PAX7: variants seen among roughly 807,000 people sequenced by gnomAD.
PAX7 encodes the protein paired box protein Pax-7.
Under a neutral mutation model 50.7 loss-of-function variants are expected in PAX7, and 18 were observed. The observed-to-expected ratio is 0.36, with a 90% confidence interval of 0.25 to 0.53. The LOEUF (loss-of-function observed/expected upper bound fraction) is 0.53. Ranked by LOEUF, PAX7 falls within the 20% of genes least tolerant of loss-of-function variation. The pLI, the probability that PAX7 is intolerant of heterozygous loss-of-function variation, is 0.93. For missense variants in PAX7, 644 were observed against 702.9 expected, an observed-to-expected ratio of 0.92 and a Z score of 0.95; for synonymous variants, 310 against 290.4, an observed-to-expected ratio of 1.07 and a Z score of -0.69.
chr1:18,728,722 G>T (rs1011695528), intron 7 of PAX7, among the ~76,000 whole-genome samples: 2 of 147,868 alleles, frequency 1.4e-5, no homozygotes, highest in Admixed American at 6.7e-5. Context: ...AAAATTAGCC[G>T]GGCTTGGTGG....
chr1:18,722,769 G>T (rs986246241), intron 7 of PAX7, among the ~76,000 whole-genome samples: 2 of 152,128 alleles, frequency 1.3e-5, no homozygotes, highest in Admixed American at 6.5e-5. Context: ...GAGCTCCTGG[G>T]TCCATCTCGT....
Position 18,631,641 on chromosome 1 carries a change from G to A in PAX7, c.38G>A (p.Arg13Gln), listed in dbSNP as rs1263376207. 1.2e-6 allele frequency: 2 copies of A among 1,613,176 alleles called. No homozygotes were observed. Among genetic ancestry groups the A allele is most frequent in the Non-Finnish European group, 1.7e-6 (2 of 1,179,892 alleles). The change falls in exon 1 of 9, where the codon CGG becomes CAG. Residue 13 changes from arginine to glutamine, a missense_variant. Physicochemically the swap from Arg to Gln is conservative, Grantham distance 43 (BLOSUM62 1). Coordinates refer to ENST00000420770, the MANE Select transcript of PAX7 (RefSeq NM_001135254.2). ...ALPGTVPRMM[R>Q]PAPGQNYPRT... ...CCCGGCACGGTACCGAGAATGATGC[G>A]GCCGGCTCCGGGGCAGAACTACCCC...
rs187784076 is a variant in PAX7 at position 18,656,219 on chromosome 1, C to T, written c.586+19848C>T. On this transcript the variant is annotated intron_variant, in intron 4 of 8. Transcript: ENST00000420770. ...CTAAAATGTAAGAGGCAAGTCCGGG[C>T]GCAGTGGCTCACGCCTGTAATCCCA... Among the ~76,000 whole-genome samples the T allele has an allele frequency of 1.7e-3, 252 of 152,306 alleles. 1 individual carries two copies. Among genetic ancestry groups the T allele is most frequent in the South Asian group, 0.01 (49 of 4,828 alleles).
intron 7 of PAX7, among the ~76,000 whole-genome samples, chr1:18,709,326 C>G (rs568261736): frequency 9.8e-5 from 15 of 152,338 alleles, no homozygotes; most frequent in African/African-American, 3.4e-4. Flanking sequence ...TACTCATCGT[C>G]TCCTTTGTTC....
intron 4 of PAX7, among the ~76,000 whole-genome samples, chr1:18,674,634 G>A (rs1205506585): frequency 1.3e-5 from 2 of 152,208 alleles, no homozygotes; most frequent in African/African-American, 2.4e-5. Context: ...CCCTTCCCAT[G>A]TGAAAAAGAT....
intron 4 of PAX7, among the ~76,000 whole-genome samples, chr1:18,652,240 T>C (rs2088444734): frequency 6.6e-6 from 1 of 152,004 alleles, no homozygotes; most frequent in South Asian, 2.1e-4. Context: ...CTGGCCCCCT[T>C]CTCTTCCCCG....
intron 4 of PAX7, among the ~76,000 whole-genome samples, chr1:18,640,876 G>T (rs1421158931): frequency 2.0e-5 from 3 of 151,434 alleles, no homozygotes; most frequent in African/African-American, 4.9e-5. Context: ...GGAGAGGGGC[G>T]TGCGGAGCTG....
At chr1:18,680,543 G>T (rs1450097157) in intron 4 of PAX7, among the ~76,000 whole-genome samples, 2 of 152,152 alleles carry the variant, frequency 1.3e-5, no homozygotes, top group African/African-American at 4.8e-5. Flanking sequence ...CGAGGCTCAG[G>T]ACTTAAACAT....
At chr1:18,713,989 T>A (rs1280127275) in intron 7 of PAX7, among the ~76,000 whole-genome samples, 4 of 152,096 alleles carry the variant, frequency 2.6e-5, no homozygotes, top group Non-Finnish European at 5.9e-5. Flanking sequence ...GGCGGGTGGA[T>A]CACTTGAGGC....
chr1:18,686,035 T>G (rs796754814), intron 4 of PAX7, among the ~76,000 whole-genome samples: 24 of 152,250 alleles, frequency 1.6e-4, no homozygotes, highest in African/African-American at 5.5e-4. Context: ...CTTCCGCCCC[T>G]CATTCTGTCC....
At chr1:18,716,560 C>T (rs563334270) in intron 7 of PAX7, among the ~76,000 whole-genome samples, 1 of 151,832 alleles carries the variant, frequency 6.6e-6, no homozygotes, top group African/African-American at 2.4e-5. Context: ...TCCCCACTTC[C>T]TCTTTTCTCC....
At chr1:18,741,323 A>G (rs1313081416) in intron 8 of PAX7, among the ~76,000 whole-genome samples, 4 of 152,042 alleles carry the variant, frequency 2.6e-5, no homozygotes, top group Admixed American at 6.6e-5. Flanking sequence ...ATTGGTGGGC[A>G]CCTGTAATCC....
intron 4 of PAX7, 46 bp from the exon 5 acceptor site, chr1:18,691,708 A>T: frequency 1.3e-6 from 2 of 1,530,146 alleles, no homozygotes; most frequent in South Asian, 1.2e-5. Flanking sequence ...GCACCCTTCC[A>T]TCTCTCTAAG....
At chr1:18,721,625 GC>G (rs1160479389) in intron 7 of PAX7, among the ~76,000 whole-genome samples, 1 of 152,266 alleles carries the variant, frequency 6.6e-6, no homozygotes, top group Non-Finnish European at 1.5e-5. Flanking sequence ...CTGGGGCAAA[GC>G]AGAGAGGCTG....
Position 18,735,776 on chromosome 1 carries a change from GACAGCCTGCCC to G in PAX7, c.1303_1313del (p.Ser435LeufsTer33). On this transcript the variant is annotated frameshift_variant, in exon 8 of 9. Coordinates refer to ENST00000420770, the MANE Select transcript of PAX7 (RefSeq NM_001135254.2). LOFTEE classifies it high-confidence loss of function. The surrounding 1 kb of genome is among the most constrained non-coding windows in gnomAD (Gnocchi z 4.0). ...GCGGGCCGACTCCATCAAGCCAGGA[GACAGCCTGCCC>G]ACCTCCCAGGCCTACTGCCCACCCA... 6.2e-7 allele frequency: 1 copy of G among 1,614,140 alleles called. No individual in the cohort carries two copies. Among genetic ancestry groups the G allele is most frequent in the Non-Finnish European group, 8.5e-7 (1 of 1,180,022 alleles).
chr1:18,685,680 GA>G (rs1413599521), intron 4 of PAX7, among the ~76,000 whole-genome samples: 5 of 152,354 alleles, frequency 3.3e-5, no homozygotes, highest in Non-Finnish European at 7.3e-5. Context: ...CAGAAGCCAT[GA>G]GTGGCTGGAC....
chr1:18,635,436 G>T (rs187787652), intron 3 of PAX7, among the ~76,000 whole-genome samples, 196 bp downstream of exon 3: 1 of 150,962 alleles, frequency 6.6e-6, no homozygotes, highest in African/African-American at 2.4e-5. Context: ...AAGATGGAAA[G>T]AAGGAATAGG....
At chr1:18,715,725 T>C (rs2089412016) in intron 7 of PAX7, among the ~76,000 whole-genome samples, 1 of 152,188 alleles carries the variant, frequency 6.6e-6, no homozygotes, top group African/African-American at 2.4e-5. Context: ...ATGCCCATTT[T>C]ATAGAGCTAG....
chr1:18,656,656 T>G (rs1460114313), intron 4 of PAX7, among the ~76,000 whole-genome samples: 1 of 151,812 alleles, frequency 6.6e-6, no homozygotes, highest in East Asian at 1.9e-4. Context: ...AGTTTTAGTT[T>G]CCCAAAGTAA....
Sources: gnomAD v4.1 joint callset for allele counts (sites outside exome capture counted in the v4.1 genomes callset) on GRCh38, gnomAD v4.1.1 for gene constraint, Gnocchi (gnomAD v3.1) non-coding constraint, MANE v1.5 for transcripts, NCBI Gene and HGNC (gene_info 2026-07-23, HGNC 2026-07-21) for gene names.